SLC30A6: variants seen among roughly 807,000 people sequenced by gnomAD.
SLC30A6 encodes the protein solute carrier family 30 member 6.
A neutral mutation model predicts 63.0 loss-of-function variants in SLC30A6; 55 were observed. The observed-to-expected ratio is 0.87, with a 90% confidence interval of 0.70 to 1.09. SLC30A6 has a LOEUF of 1.09. Ranked by LOEUF, SLC30A6 falls within the 50% of genes least tolerant of loss-of-function variation. The probability of loss-of-function intolerance (pLI) is 0.00; values close to 1 mark genes in which losing one functional copy is unlikely to be tolerated. For missense variants in SLC30A6, 587 were observed against 549.2 expected (o/e 1.07, Z -0.69); for synonymous variants, 224 against 186.1 (o/e 1.20, Z -1.66).
At chr2:32,210,538 A>C in intron 13 of SLC30A6, among the ~76,000 whole-genome samples, 1 of 133,528 alleles carries the variant, frequency 7.5e-6, no homozygotes, top group Non-Finnish European at 1.6e-5. Flanking sequence ...AAAAAAAAAA[A>C]CAACAGAAAA....
intron 13 of SLC30A6, among the ~76,000 whole-genome samples, chr2:32,210,527 A>AC (rs1188162659): frequency 3.3e-5 from 5 of 151,370 alleles, no homozygotes; most frequent in African/African-American, 1.2e-4. Flanking sequence ...AAAAAAAAAA[A>AC]AAAAAAAAAA....
At chr2:32,195,259 G>A (rs1434262045) in intron 8 of SLC30A6, among the ~76,000 whole-genome samples, 1 of 151,948 alleles carries the variant, frequency 6.6e-6, no homozygotes, top group Admixed American at 6.6e-5. Flanking sequence ...GCAGAGACGG[G>A]GTTTCCCCAT....
At chr2:32,169,095 A>G (rs1390018859) in intron 1 of SLC30A6, among the ~76,000 whole-genome samples, 1 of 152,160 alleles carries the variant, frequency 6.6e-6, no homozygotes, top group Non-Finnish European at 1.5e-5. Context: ...TAACTCACAC[A>G]TAATTCTTTA....
intron 13 of SLC30A6, among the ~76,000 whole-genome samples, chr2:32,218,380 G>C (rs1174426591): frequency 6.6e-6 from 1 of 152,174 alleles, no homozygotes; most frequent in Non-Finnish European, 1.5e-5. Context: ...TAGAAGCCTT[G>C]ATATCATCTT....
In SLC30A6 at chr2:32,216,732, T is replaced by A. The variant is rs539871687; in HGVS notation, c.886-3481T>A. ...CTTCTTTTGAGATGTATCTTCATGTTTTTTTCCCATTTTTTAATGGGGTTG... is the reference window on the plus strand; with the variant it reads ...CTTCTTTTGAGATGTATCTTCATGTATTTTTCCCATTTTTTAATGGGGTTG... On this transcript the variant is annotated intron_variant, in intron 13 of 13. Transcript: ENST00000282587. Among the ~76,000 whole-genome samples, 234 of 152,158 alleles carry A rather than the reference T, an allele frequency of 1.5e-3. 1 individual carries two copies. Among genetic ancestry groups the A allele is most frequent in the African/African-American group, 5.4e-3 (223 of 41,536 alleles).
At position 32,207,221 on chromosome 2, in the gene SLC30A6, A is replaced by AT. The variant is rs199822262; in HGVS notation, c.816+298dup. ...ATTTATTTTATTTAGTTATTTAGTTATTTTTTTTTTGAGACAGTCTTGCTC... is the reference window on the plus strand; with the variant it reads ...ATTTATTTTATTTAGTTATTTAGTTATTTTTTTTTTTGAGACAGTCTTGCTC... On this transcript the variant is annotated intron_variant, in intron 12 of 13. Transcript: ENST00000282587. 3.4e-3 allele frequency among the ~76,000 whole-genome samples: 503 copies of AT among 149,116 alleles called. 6 individuals are homozygous for AT. The highest frequency in any genetic ancestry group is 0.026 in the Admixed American group (392 of 14,950).
At chr2:32,190,639 T>TA (rs1434973552) in intron 5 of SLC30A6, among the ~76,000 whole-genome samples, 3 of 152,116 alleles carry the variant, frequency 2.0e-5, no homozygotes, top group Non-Finnish European at 1.5e-5. Context: ...TAGATTTTTT[T>TA]GGTATGGTGT....
At chr2:32,180,500 C>T (rs1317480038) in intron 4 of SLC30A6, among the ~76,000 whole-genome samples, 1 of 152,052 alleles carries the variant, frequency 6.6e-6, no homozygotes, top group Admixed American at 6.6e-5. Context: ...ACGATCTTGG[C>T]TCACTGCATG....
intron 7 of SLC30A6, 51 bp downstream of exon 7, chr2:32,193,004 T>C (rs1310668057): frequency 1.7e-6 from 2 of 1,162,486 alleles, no homozygotes; most frequent in Non-Finnish European, 2.5e-6. Flanking sequence ...TAATTATTAA[T>C]TGATGTATTA....
At chr2:32,193,762 T>G (rs1683542574) in intron 7 of SLC30A6, 127 bp from the exon 8 acceptor site, 1 of 676,670 alleles carries the variant, frequency 1.5e-6, no homozygotes, top group African/African-American at 1.8e-5. Context: ...ATTCTGTATC[T>G]GGAAACACCA....
At chr2:32,198,495 C>A (rs758982781) in intron 10 of SLC30A6, among the ~76,000 whole-genome samples, 2 of 152,176 alleles carry the variant, frequency 1.3e-5, no homozygotes, top group African/African-American at 2.4e-5. Flanking sequence ...CTTCTATCTC[C>A]CATCTCAGTG....
chr2:32,167,394 T>C (rs1365630541), intron 1 of SLC30A6, among the ~76,000 whole-genome samples: 2 of 151,696 alleles, frequency 1.3e-5, no homozygotes, highest in African/African-American at 4.8e-5. Flanking sequence ...TTTTTTTTTT[T>C]TTTTTTTAAT....
At chr2:32,179,640 GC>G (rs1415131841) in intron 4 of SLC30A6, among the ~76,000 whole-genome samples, 1 of 152,048 alleles carries the variant, frequency 6.6e-6, no homozygotes, top group African/African-American at 2.4e-5. Context: ...TAAAATCAAA[GC>G]ATTTTATGGT....
At chr2:32,202,505 G>A (rs1044016405) in intron 10 of SLC30A6, 1 of 275,220 alleles carries the variant, frequency 3.6e-6, no homozygotes, top group Non-Finnish European at 7.0e-6. Flanking sequence ...ATTTTTTTTT[G>A]TATTTTTAGT....
intron 12 of SLC30A6, 70 bp downstream of exon 12, chr2:32,207,003 A>G: frequency 8.3e-7 from 1 of 1,199,034 alleles, no homozygotes; most frequent in East Asian, 2.4e-5. Flanking sequence ...TACTTTTAAT[A>G]CTTTATTCAA....
chr2:32,192,948 A>G lies in SLC30A6; in HGVS notation c.396A>G (p.Ile132Met). Residue 132 changes from isoleucine (I) to methionine (M), a missense_variant, in exon 7 of 14, where the codon ATA (isoleucine) becomes ATG (methionine). Coordinates refer to ENST00000282587, the MANE Select transcript of SLC30A6 (RefSeq NM_017964.5). ...SAERFLEQPE[I>M]HTGRLLVGTF... ...AACGCTTTTTGGAACAGCCCGAGAT[A>G]CACACGTGAGATTTTATTTTCAATA... is the stretch of plus-strand genomic sequence containing the variant. 1 of 1,515,326 alleles carries G rather than the reference A, an allele frequency of 6.6e-7. No individual in the cohort carries two copies. Among genetic ancestry groups the G allele is most frequent in the Non-Finnish European group, 9.0e-7 (1 of 1,116,170 alleles). The allele number at this position is 1,515,326 out of a possible 1,614,324, so 93.9% of individuals were successfully genotyped here.
At chr2:32,194,965 A>C (rs1683648952) in intron 8 of SLC30A6, among the ~76,000 whole-genome samples, 1 of 152,200 alleles carries the variant, frequency 6.6e-6, no homozygotes, top group Non-Finnish European at 1.5e-5. Context: ...AGGAAATAAG[A>C]CTACTGATAA....
chr2:32,209,674 T>C lies in SLC30A6; in HGVS notation c.885+113T>C, dbSNP rs1685085404. 30 of 843,000 alleles carry C rather than the reference T, an allele frequency of 3.6e-5. 3 individuals carry two copies. The South Asian group carries it at 5.1e-4, about 14-fold the overall frequency. 52.2% of individuals were successfully genotyped at this position (843,000 alleles called of 1,614,324 possible). On this transcript the variant is annotated intron_variant, in intron 13 of 13. Transcript: ENST00000282587. ...TTATAGAGCCTTTGATTCCTAGTTA[T>C]GTTAAGCAGAGTCTAAAATGTACAT...
At chr2:32,212,151 C>A (rs1685307713) in intron 13 of SLC30A6, among the ~76,000 whole-genome samples, 1 of 151,600 alleles carries the variant, frequency 6.6e-6, no homozygotes, top group African/African-American at 2.4e-5. Flanking sequence ...TTAAAGTATA[C>A]CTGTATGTTT....
Sources: allele counts gnomAD v4.1 joint callset (sites outside exome capture counted in the v4.1 genomes callset), GRCh38; gene constraint gnomAD v4.1.1; transcripts MANE v1.5; gene names NCBI Gene and HGNC (gene_info 2026-07-23, HGNC 2026-07-21).